UNC79: variants seen among roughly 807,000 people sequenced by gnomAD.
UNC79 encodes the protein unc-79 subunit of NALCN channel complex.
Under a neutral mutation model 283.1 loss-of-function variants are expected in UNC79, and 37 were observed. The ratio of observed to expected loss-of-function variants is 0.13; its 90% confidence interval spans 0.10 to 0.17. The LOEUF is 0.17. Ranked by LOEUF, UNC79 falls within the 10% of genes least tolerant of loss-of-function variation. UNC79 has a pLI of 1.00. For missense variants in UNC79, 2,272 were observed against 3,211.1 expected (o/e 0.71, Z 7.07); for synonymous variants, 1,107 against 1,200.2 (o/e 0.92, Z 1.61).
At chr14:93,523,319 C>A (rs903244597) in intron 7 of UNC79, among the ~76,000 whole-genome samples, 3 of 152,148 alleles carry the variant, frequency 2.0e-5, no homozygotes, top group South Asian at 4.2e-4. Flanking sequence ...AGCAGACTAG[C>A]AAAGGTTTAG....
In UNC79 at chr14:93,459,639, A is replaced by G. The variant is rs1043452800; in HGVS notation, c.23-8032A>G. On this transcript the variant is annotated intron_variant, in intron 1 of 48. Coordinates refer to ENST00000555664, the Ensembl canonical transcript of UNC79. ...CTTATTAGCTTTGTGCCTTTGGGCAAGTCACTTACTGTTTTTGAACTTTGG... is the reference window on the plus strand; with the variant it reads ...CTTATTAGCTTTGTGCCTTTGGGCAGGTCACTTACTGTTTTTGAACTTTGG... Among the ~76,000 whole-genome samples, 32 of 145,858 alleles carry G rather than the reference A, an allele frequency of 2.2e-4. 1 individual carries two copies. The highest frequency in any genetic ancestry group is 1.9e-3 in the Admixed American group (28 of 14,594).
chr14:93,458,506 A>G (rs75612660), intron 1 of UNC79, among the ~76,000 whole-genome samples: 1,892 of 152,282 alleles, frequency 0.012, 41 homozygotes, highest in African/African-American at 0.043. Flanking sequence ...AATTTGCAGG[A>G]AAAAAATGAG....
chr14:93,351,632 A>C (rs927985896), intron 1 of UNC79, among the ~76,000 whole-genome samples: 1 of 152,126 alleles, frequency 6.6e-6, no homozygotes, highest in Non-Finnish European at 1.5e-5. Flanking sequence ...TTGATGTATT[A>C]GTTGATGTTC....
At chr14:93,366,059 GCA>G (rs1472459195) in intron 1 of UNC79, among the ~76,000 whole-genome samples, 5 of 152,134 alleles carry the variant, frequency 3.3e-5, no homozygotes, top group African/African-American at 1.2e-4. Context: ...CACAATCTTT[GCA>G]GGCAATGAAA....
intron 16 of UNC79, among the ~76,000 whole-genome samples, chr14:93,573,188 T>C (rs960131964): frequency 1.3e-5 from 2 of 152,206 alleles, no homozygotes; most frequent in Non-Finnish European, 2.9e-5. Context: ...GAGTAGTTCA[T>C]GCTGTTCCCT....
chr14:93,618,912 G>A (rs1433470198), intron 29 of UNC79, among the ~76,000 whole-genome samples: 4 of 152,322 alleles, frequency 2.6e-5, no homozygotes, highest in African/African-American at 7.2e-5. Context: ...GCAGTAGAAT[G>A]CAACTTTAGC....
downstream of UNC79, chr14:93,706,938 G>C: frequency 6.2e-7 from 1 of 1,610,758 alleles, no homozygotes; most frequent in Non-Finnish European, 8.5e-7. Context: ...CAACACTCTG[G>C]TTTAGCAATA....
intron 5 of UNC79, among the ~76,000 whole-genome samples, chr14:93,496,113 G>A (rs150235755): frequency 3.9e-5 from 6 of 152,184 alleles, no homozygotes; most frequent in African/African-American, 1.4e-4. Context: ...TTTTTCTTAT[G>A]TAGATCTTAT....
At chr14:93,465,544 A>G (rs762743765) in intron 1 of UNC79, among the ~76,000 whole-genome samples, 1 of 152,210 alleles carries the variant, frequency 6.6e-6, no homozygotes, top group African/African-American at 2.4e-5. Context: ...TTTGCTGTGC[A>G]TATTTGGGTA....
intron 40 of UNC79, among the ~76,000 whole-genome samples, chr14:93,663,508 G>A (rs1205320040): frequency 6.6e-6 from 1 of 152,044 alleles, no homozygotes; most frequent in Non-Finnish European, 1.5e-5. Flanking sequence ...TATTCATGTT[G>A]TCCATTTCTA....
intron 20 of UNC79, among the ~76,000 whole-genome samples, chr14:93,584,336 A>G (rs573720742): frequency 3.3e-5 from 5 of 152,342 alleles, no homozygotes; most frequent in Admixed American, 3.3e-4. Context: ...TGAGAAGCAG[A>G]AACACAAACA....
intron 1 of UNC79, among the ~76,000 whole-genome samples, chr14:93,454,938 GGATGAT>G (rs567665722): frequency 4.6e-5 from 7 of 151,920 alleles, no homozygotes; most frequent in African/African-American, 1.5e-4. Flanking sequence ...CAAATGTAAT[GGATGAT>G]GATGATGATG....
intron 26 of UNC79, among the ~76,000 whole-genome samples, chr14:93,609,238 G>A (rs1268420330): frequency 1.3e-5 from 2 of 152,156 alleles, no homozygotes; most frequent in African/African-American, 2.4e-5. Flanking sequence ...ACCTTGCAAG[G>A]TGAAGAGAGC....
intron 7 of UNC79, among the ~76,000 whole-genome samples, chr14:93,509,479 G>A (rs1268933228): frequency 1.3e-5 from 2 of 152,062 alleles, no homozygotes; most frequent in Non-Finnish European, 2.9e-5. Flanking sequence ...TAAAAAACAA[G>A]TTAGTTACTT....
chr14:93,571,832 T>G, intron 14 of UNC79, 62 bp from the exon 15 acceptor site: 287 of 1,577,196 alleles, frequency 1.8e-4, no homozygotes, highest in Non-Finnish European at 2.3e-4. Context: ...AGGAAGTCCT[T>G]GAGTATAATT....
At chr14:93,373,322 A>G (rs944668679) in intron 1 of UNC79, among the ~76,000 whole-genome samples, 2 of 152,180 alleles carry the variant, frequency 1.3e-5, no homozygotes, top group African/African-American at 2.4e-5. Flanking sequence ...AAATTGAAAC[A>G]GGAAATTAAT....
At chr14:93,696,751 G>C (rs1174834324) in intron 47 of UNC79, among the ~76,000 whole-genome samples, 1 of 151,726 alleles carries the variant, frequency 6.6e-6, no homozygotes, top group Admixed American at 6.6e-5. Context: ...TTTGTCTTTG[G>C]AATTTTTAAT....
intron 7 of UNC79, among the ~76,000 whole-genome samples, chr14:93,520,554 T>C (rs749553707): frequency 2.0e-5 from 3 of 151,950 alleles, no homozygotes; most frequent in Non-Finnish European, 2.9e-5. Flanking sequence ...TTTGGCTTTA[T>C]ACTAAGTAAA....
intron 31 of UNC79, among the ~76,000 whole-genome samples, chr14:93,633,885 T>C (rs1201035446): frequency 6.6e-6 from 1 of 152,230 alleles, no homozygotes; most frequent in East Asian, 1.9e-4. Flanking sequence ...TTGATTCACA[T>C]TTTTCAAACA....
Sources: gnomAD v4.1 joint callset for allele counts (sites outside exome capture counted in the v4.1 genomes callset) on GRCh38, gnomAD v4.1.1 for gene constraint, MANE v1.5 for transcripts, NCBI Gene and HGNC (gene_info 2026-07-23, HGNC 2026-07-21) for gene names.